The following ATF3 variants were observed in gnomAD, a reference collection of about 807,000 sequenced individuals.
The protein encoded by ATF3 is cyclic AMP-dependent transcription factor ATF-3.
In ATF3, 10 loss-of-function variants were observed where a neutral mutation model predicts 18.4. The ratio of observed to expected loss-of-function variants is 0.54; its 90% confidence interval spans 0.34 to 0.92. The LOEUF (loss-of-function observed/expected upper bound fraction) is 0.92. Ranked by LOEUF, ATF3 falls within the 40% of genes least tolerant of loss-of-function variation. The pLI is 0.02. For missense variants in ATF3, 183 were observed against 222.3 expected, an observed-to-expected ratio of 0.82 and a Z score of 1.12; for synonymous variants, 78 against 87.9, an observed-to-expected ratio of 0.89 and a Z score of 0.63.
chr1:212,616,160 G>T (rs183791540), intron 2 of ATF3, among the ~76,000 whole-genome samples: 2 of 152,010 alleles, frequency 1.3e-5, no homozygotes, highest in African/African-American at 4.8e-5. Context: ...GAGATAAATA[G>T]GGGCTGGTCA....
At position 212,593,279 on chromosome 1, in the gene ATF3, G is replaced by A. The variant is rs573419740; in HGVS notation, c.-4-21739G>A. Among the ~76,000 whole-genome samples the A allele has an allele frequency of 3.5e-4, 48 of 138,284 alleles. 1 individual carries two copies. In the South Asian group the frequency reaches 5.8e-3, roughly 17 times the overall value. The allele number at this position is 138,284 out of a possible 152,430, so 90.7% of individuals were successfully genotyped here. A position where few individuals can be genotyped will look rare whatever the true frequency, so the allele number is the denominator to read the frequency against. ...CACAGGAAGGGGAACATCACACACC[G>A]GAGACTGTTGTGGGGTGGGGGGAGG... is the stretch of plus-strand genomic sequence containing the variant. On this transcript the variant is annotated intron_variant, in intron 1 of 3. Transcript: ENST00000366981.
At chr1:212,617,758 T>C (rs1655189602) in intron 2 of ATF3, among the ~76,000 whole-genome samples, 1 of 152,190 alleles carries the variant, frequency 6.6e-6, no homozygotes, top group Admixed American at 6.5e-5. Flanking sequence ...AGAAAGGAGA[T>C]GTTTACCAGA....
At chr1:212,612,465 T>C (rs900852880) in intron 1 of ATF3, among the ~76,000 whole-genome samples, 6 of 152,212 alleles carry the variant, frequency 3.9e-5, no homozygotes, top group Admixed American at 3.3e-4. Context: ...CAGCTCTGAA[T>C]GTCATCCCCG....
At chr1:212,580,661 G>A (rs1185513463) in intron 1 of ATF3, among the ~76,000 whole-genome samples, 1 of 152,124 alleles carries the variant, frequency 6.6e-6, no homozygotes, top group Non-Finnish European at 1.5e-5. Context: ...TCACTACTGA[G>A]GACAAACATT....
chr1:212,591,661 CT>C (rs984985410), intron 1 of ATF3, among the ~76,000 whole-genome samples: 1 of 152,076 alleles, frequency 6.6e-6, no homozygotes, highest in Non-Finnish European at 1.5e-5. Context: ...CATTTTTAAA[CT>C]TTTTAATCAT....
intron 1 of ATF3, among the ~76,000 whole-genome samples, chr1:212,582,665 G>A (rs576296877): frequency 6.6e-6 from 1 of 152,168 alleles, no homozygotes; most frequent in African/African-American, 2.4e-5. Context: ...TTTTTCAACA[G>A]TCAAAGCTCC....
chr1:212,603,372 C>T (rs765621750), intron 1 of ATF3, among the ~76,000 whole-genome samples: 4 of 152,078 alleles, frequency 2.6e-5, no homozygotes, highest in African/African-American at 4.8e-5. Context: ...AAGGAAAAAG[C>T]GCCTGCAGGA....
intron 1 of ATF3, among the ~76,000 whole-genome samples, chr1:212,575,180 A>G (rs1378708634): frequency 1.3e-5 from 2 of 152,088 alleles, no homozygotes; most frequent in Admixed American, 1.3e-4. Flanking sequence ...ATCAATAAAC[A>G]TAGTAATTCT....
intron 1 of ATF3, among the ~76,000 whole-genome samples, chr1:212,567,550 T>G (rs777518754): frequency 9.9e-5 from 15 of 152,248 alleles, no homozygotes; most frequent in Non-Finnish European, 2.2e-4. Context: ...AATGCCTTGA[T>G]GTCTGATCTT....
chr1:212,611,404 A>G (rs770559213), intron 1 of ATF3, among the ~76,000 whole-genome samples: 1 of 152,228 alleles, frequency 6.6e-6, no homozygotes, highest in Non-Finnish European at 1.5e-5. Context: ...GTGTGTATGT[A>G]AATCTCATAT....
chr1:212,613,468 A>G (rs1654977643), intron 1 of ATF3: 1 of 152,228 alleles, frequency 6.6e-6, no homozygotes, highest in African/African-American at 2.4e-5. Flanking sequence ...CCCCATATTA[A>G]TTCTGTGAAT....
Position 212,608,944 on chromosome 1 carries a change from G to C in ATF3, c.-5+14G>C, listed in dbSNP as rs900700149. ...CGGAGCCTGGAGGTGAGCGCTGGAAGCCGAGGGAGTGAGCGCGACGAGGGC... is the reference window on the plus strand; with the variant it reads ...CGGAGCCTGGAGGTGAGCGCTGGAACCCGAGGGAGTGAGCGCGACGAGGGC... On this transcript the variant is annotated intron_variant, in intron 1 of 3. Transcript: ENST00000341491. 10 of 152,368 alleles carry C rather than the reference G, an allele frequency of 6.6e-5. No homozygotes were observed. The highest frequency in any genetic ancestry group is 2.1e-4 in the South Asian group (1 of 4,832). 9.4% of individuals were successfully genotyped at this position (152,368 alleles called of 1,614,324 possible).
chr1:212,602,418 G>C (rs925628478), intron 1 of ATF3, among the ~76,000 whole-genome samples: 1 of 152,154 alleles, frequency 6.6e-6, no homozygotes, highest in Non-Finnish European at 1.5e-5. Context: ...ACACGATGTA[G>C]AGCCACATTT....
intron 1 of ATF3, among the ~76,000 whole-genome samples, chr1:212,578,012 C>A (rs1664614217): frequency 5.3e-5 from 8 of 152,218 alleles, no homozygotes. Context: ...TACTGTTTTT[C>A]ATAATGGCTG....
chr1:212,597,404 C>G (rs1226647613), intron 1 of ATF3, among the ~76,000 whole-genome samples: 1 of 131,966 alleles, frequency 7.6e-6, no homozygotes, highest in East Asian at 3.2e-4. Flanking sequence ...ATTCTGGGTA[C>G]TGAGTTACAT....
At position 212,619,713 on chromosome 1, in the gene ATF3, CTT is replaced by C. The variant is rs1387889688; in HGVS notation, c.*159_*160del. The C allele has an allele frequency of 1.0e-6, 1 of 975,428 alleles. No individual in the cohort carries two copies. The highest frequency in any genetic ancestry group is 2.6e-5 in the Admixed American group (1 of 38,720). The allele number at this position is 975,428 out of a possible 1,614,324, so 60.4% of individuals were successfully genotyped here. A position where few individuals can be genotyped will look rare whatever the true frequency, so the allele number is the denominator to read the frequency against. On this transcript the variant is annotated 3_prime_UTR_variant, in exon 4 of 4. Coordinates refer to ENST00000341491, the MANE Select transcript of ATF3 (RefSeq NM_001674.4). This position sits in a 1 kb window ranked among gnomAD's most constrained non-coding sequence, Gnocchi z 4.4. ...AGGGCCTGCAGTGATTCAGCAGGCCCTTCCCATTCTGCCCCAGAGTGGGTCTT... is the reference window on the plus strand; with the variant it reads ...AGGGCCTGCAGTGATTCAGCAGGCCCCCCATTCTGCCCCAGAGTGGGTCTT...
At chr1:212,581,592 T>C (rs962415314) in intron 1 of ATF3, among the ~76,000 whole-genome samples, 1 of 152,194 alleles carries the variant, frequency 6.6e-6, no homozygotes, top group Non-Finnish European at 1.5e-5. Flanking sequence ...AAAATTATAC[T>C]TTATCGTAAA....
chr1:212,617,468 C>T (rs1408695982), intron 2 of ATF3, among the ~76,000 whole-genome samples: 1 of 152,212 alleles, frequency 6.6e-6, no homozygotes, highest in African/African-American at 2.4e-5. Flanking sequence ...TGATTGCAGC[C>T]TTTGGGCAAG....
At chr1:212,579,612 C>T (rs187868188) in intron 1 of ATF3, among the ~76,000 whole-genome samples, 8 of 152,282 alleles carry the variant, frequency 5.3e-5, no homozygotes, top group Admixed American at 1.3e-4. Flanking sequence ...GAAGAGAAGA[C>T]GCATTGGTGT....
Sources: allele counts gnomAD v4.1 joint callset (sites outside exome capture counted in the v4.1 genomes callset), GRCh38; gene constraint gnomAD v4.1.1; non-coding constraint Gnocchi (gnomAD v3.1); transcripts MANE v1.5; gene names NCBI Gene and HGNC (gene_info 2026-07-23, HGNC 2026-07-21).